CNBD1: variants seen among roughly 807,000 people sequenced by gnomAD.
CNBD1 encodes the protein cyclic nucleotide binding domain containing 1.
In CNBD1, 71 loss-of-function variants were observed where a neutral mutation model predicts 54.4. The observed-to-expected ratio is 1.30, with a 90% CI of 1.08 to 1.59. CNBD1 has a LOEUF of 1.59. Among genes scored for constraint, CNBD1 ranks in the 40% most tolerant of loss-of-function variants. The pLI, the probability that CNBD1 is intolerant of heterozygous loss-of-function variation, is 0.00. For missense variants in CNBD1, 659 were observed against 518.0 expected, an observed-to-expected ratio of 1.27 and a Z score of -2.64; for synonymous variants, 182 against 170.7, an observed-to-expected ratio of 1.07 and a Z score of -0.51.
intron 10 of CNBD1, among the ~76,000 whole-genome samples, chr8:87,371,038 A>G (rs1227408782): frequency 1.3e-5 from 2 of 150,538 alleles, no homozygotes; most frequent in African/African-American, 4.9e-5. Context: ...AGATAGTTGT[A>G]GATATGCGGC....
At chr8:86,995,689 GGT>G (rs5893006) in intron 4 of CNBD1, among the ~76,000 whole-genome samples, 114,824 of 149,466 alleles carry the variant, frequency 0.77, 44,512 homozygotes, top group East Asian at 0.86. Context: ...GTGTATGGGT[GGT>G]GTGTGTGTGT....
rs1453627046 is a variant in CNBD1 at position 87,390,359 on chromosome 8, G to A, written c.213+36573G>A. Among the ~76,000 whole-genome samples, 3 of 152,082 alleles carry A rather than the reference G, an allele frequency of 2.0e-5. No individual in the cohort carries two copies. In the East Asian group the frequency reaches 5.8e-4, roughly 29 times the overall value. ...TTTGCAATCTACTCATCTGACAAAG[G>A]GCTAATATCCAGAATCTACAATGAA... On this transcript the variant is annotated intron_variant, in intron 2 of 7. Coordinates refer to the CNBD1 transcript ENST00000521593.
chr8:87,354,868 G>C (rs191617328), intron 10 of CNBD1, among the ~76,000 whole-genome samples: 1 of 152,032 alleles, frequency 6.6e-6, no homozygotes. Flanking sequence ...AATAACATAC[G>C]TATGCATTTG....
At chr8:87,159,853 T>C (rs1812818868) in intron 4 of CNBD1, among the ~76,000 whole-genome samples, 1 of 152,098 alleles carries the variant, frequency 6.6e-6, no homozygotes, top group Admixed American at 6.6e-5. Flanking sequence ...CAAGGTGTCA[T>C]TTCAACTAAT....
At chr8:86,909,671 GC>G (rs907416379) in intron 3 of CNBD1, among the ~76,000 whole-genome samples, 2 of 152,094 alleles carry the variant, frequency 1.3e-5, no homozygotes, top group African/African-American at 4.8e-5. Flanking sequence ...CAATCTGTTT[GC>G]CTTTGAACAT....
intron 4 of CNBD1, among the ~76,000 whole-genome samples, chr8:87,041,778 G>C (rs998158436): frequency 1.8e-4 from 27 of 152,072 alleles, no homozygotes; most frequent in African/African-American, 6.5e-4. Flanking sequence ...CAGCCCGAGC[G>C]ACAGAGCAAG....
intron 3 of CNBD1, among the ~76,000 whole-genome samples, chr8:86,906,497 T>C (rs113421296): frequency 1.9e-4 from 21 of 110,446 alleles, no homozygotes; most frequent in African/African-American, 6.1e-4. Flanking sequence ...TACATACATC[T>C]GGAATGATCA....
At chr8:87,411,397 C>CATTCAT (rs1554588018) in intron 2 of CNBD1, among the ~76,000 whole-genome samples, 1 of 92,412 alleles carries the variant, frequency 1.1e-5, no homozygotes. Context: ...CTAGCTATAT[C>CATTCAT]ATATATATAT....
chr8:86,879,632 G>C (rs145548003), intron 1 of CNBD1, among the ~76,000 whole-genome samples: 3,154 of 152,288 alleles, frequency 0.021, 103 homozygotes, highest in African/African-American at 0.072. Context: ...AGCACTTTGG[G>C]AGGCCAAGGC....
At chr8:86,917,631 A>C (rs1460941961) in intron 3 of CNBD1, among the ~76,000 whole-genome samples, 2 of 152,152 alleles carry the variant, frequency 1.3e-5, no homozygotes, top group Admixed American at 6.6e-5. Flanking sequence ...TGACGTGAGG[A>C]GAAGAGAGTT....
intron 8 of CNBD1, among the ~76,000 whole-genome samples, chr8:87,327,734 C>T (rs925673028): frequency 4.6e-5 from 7 of 152,152 alleles, no homozygotes; most frequent in Non-Finnish European, 8.8e-5. Flanking sequence ...CCCGGTACCT[C>T]AGATGGAAAT....
intron 5 of CNBD1, among the ~76,000 whole-genome samples, chr8:87,206,791 C>G (rs1813984938): frequency 6.6e-6 from 1 of 152,056 alleles, no homozygotes; most frequent in African/African-American, 2.4e-5. Context: ...TTTTGTTCCT[C>G]AGAAAAATAA....
intron 1 of CNBD1, among the ~76,000 whole-genome samples, chr8:86,873,334 C>T (rs909665883): frequency 5.3e-5 from 8 of 151,992 alleles, no homozygotes; most frequent in Middle Eastern, 3.4e-3. Flanking sequence ...CTCCCAACCT[C>T]GGGTGATCTG....
At chr8:86,966,164 C>T (rs4961003) in intron 4 of CNBD1, among the ~76,000 whole-genome samples, 67,136 of 152,046 alleles carry the variant, frequency 0.44, 16,062 homozygotes, top group South Asian at 0.55. Flanking sequence ...CCCCAGCCTT[C>T]GGGACCTCCT....
intron 4 of CNBD1, among the ~76,000 whole-genome samples, chr8:86,999,644 T>C (rs1808952539): frequency 6.6e-6 from 1 of 152,212 alleles, no homozygotes; most frequent in Admixed American, 6.5e-5. Flanking sequence ...CCATTTTGCC[T>C]TTAGATTTCT....
At chr8:87,413,873 C>G (rs1226954425) in intron 2 of CNBD1, among the ~76,000 whole-genome samples, 1 of 150,944 alleles carries the variant, frequency 6.6e-6, no homozygotes, top group Non-Finnish European at 1.5e-5. Flanking sequence ...CAGGAAACAA[C>G]AGGTGCTGGA....
intron 2 of CNBD1, among the ~76,000 whole-genome samples, chr8:87,422,920 T>A (rs1165219876): frequency 6.6e-6 from 1 of 152,060 alleles, no homozygotes; most frequent in East Asian, 1.9e-4. Context: ...GGAATGTTCT[T>A]CCGTTTGTTT....
intron 4 of CNBD1, among the ~76,000 whole-genome samples, chr8:86,995,674 AG>A (rs1297327120): frequency 2.1e-5 from 3 of 145,694 alleles, no homozygotes; most frequent in Non-Finnish European, 4.5e-5. Context: ...TTTGGACAGC[AG>A]TGTGTGTATG....
At chr8:87,131,524 T>A (rs1161911282) in intron 4 of CNBD1, among the ~76,000 whole-genome samples, 1 of 152,108 alleles carries the variant, frequency 6.6e-6, no homozygotes, top group East Asian at 1.9e-4. Flanking sequence ...CAGATTTACA[T>A]GTTTTTACTT....
Sources: allele counts gnomAD v4.1 joint callset (sites outside exome capture counted in the v4.1 genomes callset), GRCh38; gene constraint gnomAD v4.1.1; transcripts MANE v1.5; gene names NCBI Gene and HGNC (gene_info 2026-07-23, HGNC 2026-07-21).